The following ZNF345 variants were observed in gnomAD, a reference collection of about 807,000 sequenced individuals.
ZNF345 encodes zinc finger protein 345.
For missense variants in ZNF345, 527 were observed against 589.9 expected (o/e 0.89, Z 1.10); for synonymous variants, 166 against 187.9 (o/e 0.88, Z 0.95).
chr19:36,876,931 A>G lies in ZNF345; in HGVS notation c.101A>G (p.His34Arg), dbSNP rs76873965. ...FERKQGSQEGHFSEMIFTPED... is the reference protein window; with the variant it reads ...FERKQGSQEGRFSEMIFTPED... ...AGAAAACAGGGATCTCAGGAAGGAC[A>G]TTTCAGTGAAATGATATTTACTCCT... Residue 34 changes from histidine (H) to arginine (R), a missense_variant, in exon 3 of 3, where the codon CAT becomes CGT. Physicochemically the swap from His to Arg is conservative, Grantham distance 29. Transcript: ENST00000420450. The G allele has an allele frequency of 2.3e-3, 3,776 of 1,614,140 alleles. 133 individuals are homozygous for G. The East Asian group carries it at 0.07, about 30-fold the overall frequency.
rs557392817 is a variant in ZNF345, at chr19:36,864,053, C to T, written c.-47+12149C>T. Among the ~76,000 whole-genome samples the T allele has an allele frequency of 7.9e-5, 12 of 152,294 alleles. No individual in the cohort carries two copies. In the South Asian group the frequency reaches 1.9e-3, roughly 24 times the overall value. On this transcript the variant is annotated intron_variant, in intron 2 of 2. Coordinates refer to ENST00000420450, the MANE Select transcript of ZNF345 (RefSeq NM_001242472.2). ...ATCTTTACAGGCCTTTCACTTGGAA[C>T]GACATCAGTTACCAATTCTGTTGCA...
intron 2 of ZNF345, among the ~76,000 whole-genome samples, chr19:36,865,276 C>T (rs1442776219): frequency 6.6e-6 from 1 of 152,060 alleles, no homozygotes; most frequent in Non-Finnish European, 1.5e-5. Flanking sequence ...TTTCTATAGC[C>T]CAGGTCTGCT....
chr19:36,870,160 TATC>T (rs1278746755), intron 2 of ZNF345, among the ~76,000 whole-genome samples: 1 of 152,236 alleles, frequency 6.6e-6, no homozygotes, highest in East Asian at 1.9e-4. Flanking sequence ...GTTTTGTAAA[TATC>T]ATCACCCATT....
At position 36,877,650 on chromosome 19, in the gene ZNF345, A is replaced by G. The variant is rs771833127; in HGVS notation, c.820A>G (p.Thr274Ala). 5.6e-6 allele frequency: 9 copies of G among 1,613,678 alleles called. No individual in the cohort carries two copies. The highest frequency in any genetic ancestry group is 7.6e-6 in the Non-Finnish European group (9 of 1,179,926). Reference protein sequence around the residue: ...GKAFSFGSALTRHQRIHTGEK... With the variant: ...GKAFSFGSALARHQRIHTGEK... ...GGCCTTTAGTTTTGGATCAGCCCTTACTCGACATCAAAGAATTCATACTGG... is the reference window on the plus strand; with the variant it reads ...GGCCTTTAGTTTTGGATCAGCCCTTGCTCGACATCAAAGAATTCATACTGG... Residue 274 changes from threonine to alanine, a missense_variant, in exon 3 of 3, where the codon ACT (threonine) becomes GCT (alanine). Transcript: ENST00000420450.
At chr19:36,861,082 G>C (rs896305959) in intron 2 of ZNF345, among the ~76,000 whole-genome samples, 1 of 151,968 alleles carries the variant, frequency 6.6e-6, no homozygotes, top group Non-Finnish European at 1.5e-5. Context: ...TTCCTCAATG[G>C]GTTATAATCT....
intron 2 of ZNF345, among the ~76,000 whole-genome samples, chr19:36,863,359 C>G (rs2072594446): frequency 6.6e-6 from 1 of 152,174 alleles, no homozygotes; most frequent in South Asian, 2.1e-4. Flanking sequence ...TTGCACTACT[C>G]CAGATGATGT....
chr19:36,857,843 A>G (rs2072455727), intron 2 of ZNF345, among the ~76,000 whole-genome samples: 1 of 151,888 alleles, frequency 6.6e-6, no homozygotes, highest in South Asian at 2.1e-4. Context: ...CAATGGCACG[A>G]TCTTGGCTCA....
At chr19:36,858,224 G>A (rs936119440) in intron 2 of ZNF345, 2 of 152,522 alleles carry the variant, frequency 1.3e-5, no homozygotes, top group African/African-American at 4.8e-5. Context: ...TCTTATTATT[G>A]TTTTAAGACT....
intron 3 of ZNF345, chr19:36,888,345 C>G (rs2073017182): frequency 6.6e-6 from 1 of 152,136 alleles, no homozygotes; most frequent in South Asian, 2.1e-4. Context: ...AATATAGTGT[C>G]AAACCGTCAA....
intron 2 of ZNF345, among the ~76,000 whole-genome samples, chr19:36,861,854 C>G (rs1033736840): frequency 4.0e-5 from 6 of 150,458 alleles, no homozygotes; most frequent in Admixed American, 3.3e-4. Flanking sequence ...GCCACCATGC[C>G]CAGCCTTTTT....
Position 36,877,329 on chromosome 19 carries a change from A to T in ZNF345, c.499A>T (p.Ile167Phe), listed in dbSNP as rs2072904555. 1 of 1,614,024 alleles carries T rather than the reference A, an allele frequency of 6.2e-7. No homozygotes were observed. The highest frequency in any genetic ancestry group is 2.2e-5 in the East Asian group (1 of 44,874). The stretch of plus-strand genomic sequence containing the variant: ...ATCAGGCCTTATTCGACATCAGATC[A>T]TTCACAGTGGTGAGAAGCCTTATGA... ...FGSGLIRHQI[I>F]HSGEKPYECK... The change falls in exon 3 of 3, where the codon ATT (isoleucine) becomes TTT (phenylalanine). Residue 167 changes from isoleucine (I) to phenylalanine (F), a missense_variant. By Grantham distance (21) the Ile-to-Phe change is conservative. Coordinates refer to ENST00000420450, the MANE Select transcript of ZNF345 (RefSeq NM_001242472.2).
intron 3 of ZNF345, among the ~76,000 whole-genome samples, chr19:36,884,713 A>T (rs2072986995): frequency 6.6e-6 from 1 of 152,202 alleles, no homozygotes; most frequent in Non-Finnish European, 1.5e-5. Context: ...ACTCATCATA[A>T]ATCATGTTAT....
At chr19:36,861,799 A>G (rs2072552873) in intron 2 of ZNF345, among the ~76,000 whole-genome samples, 1 of 150,772 alleles carries the variant, frequency 6.6e-6, no homozygotes, top group African/African-American at 2.4e-5. Context: ...TGAGCTTGCA[A>G]TCCGCCAGCC....
chr19:36,857,514 G>A (rs2072447558), intron 2 of ZNF345, among the ~76,000 whole-genome samples: 2 of 152,150 alleles, frequency 1.3e-5, no homozygotes, highest in Middle Eastern at 3.4e-3. Flanking sequence ...TCTCCATGTT[G>A]GTCAGGCTGG....
At chr19:36,856,145 A>G (rs1463596849) in intron 2 of ZNF345, among the ~76,000 whole-genome samples, 1 of 152,200 alleles carries the variant, frequency 6.6e-6, no homozygotes, top group African/African-American at 2.4e-5. Flanking sequence ...TGGGACCTCT[A>G]TATCAATTAC....
intron 3 of ZNF345, chr19:36,888,802 T>A (rs1350885933): frequency 6.6e-6 from 1 of 152,164 alleles, no homozygotes; most frequent in African/African-American, 2.4e-5. Context: ...TTCAAGCAAT[T>A]TGCTCTGTTG....
At chr19:36,892,592 G>T in intron 3 of ZNF345, 1 of 1,058,584 alleles carries the variant, frequency 9.4e-7, no homozygotes, top group Non-Finnish European at 1.3e-6. Flanking sequence ...TTTCAAAGGT[G>T]GAGAGGCAAT....
chr19:36,869,769 T>C (rs1473827223), intron 2 of ZNF345, among the ~76,000 whole-genome samples: 1 of 151,790 alleles, frequency 6.6e-6, no homozygotes, highest in Admixed American at 6.6e-5. Flanking sequence ...TTTAGCTTTT[T>C]TTTTTTTTTT....
At chr19:36,855,733 T>C (rs2072403561) in intron 2 of ZNF345, among the ~76,000 whole-genome samples, 1 of 141,310 alleles carries the variant, frequency 7.1e-6, no homozygotes, top group Non-Finnish European at 1.5e-5. Context: ...ATTACAGGCG[T>C]GAGCCACCGC....
Sources: gnomAD v4.1 joint callset for allele counts (sites outside exome capture counted in the v4.1 genomes callset) on GRCh38, gnomAD v4.1.1 for gene constraint, MANE v1.5 for transcripts, NCBI Gene and HGNC (gene_info 2026-07-23, HGNC 2026-07-21) for gene names.